The following DENND2B variants were observed in gnomAD, a reference collection of about 807,000 sequenced individuals.
DENND2B encodes DENN domain containing 2B, also known as DENN domain-containing protein 2B.
A neutral mutation model predicts 116.0 loss-of-function variants in DENND2B; 32 were observed. The ratio of observed to expected loss-of-function variants is 0.28; its 90% CI spans 0.21 to 0.37. The LOEUF (loss-of-function observed/expected upper bound fraction) is 0.37. Among genes scored for constraint, DENND2B ranks in the 10% least tolerant of loss-of-function variants. The probability of loss-of-function intolerance (pLI) is 1.00; values close to 1 mark genes in which losing one functional copy is unlikely to be tolerated. For synonymous variants in DENND2B, 588 were observed against 583.9 expected, an observed-to-expected ratio of 1.01 and a Z score of -0.10; for missense variants, 1,276 against 1,477.7, an observed-to-expected ratio of 0.86 and a Z score of 2.24.
chr11:8,810,188 T>A (rs2061268075), intron 1 of DENND2B: 1 of 151,726 alleles, frequency 6.6e-6, no homozygotes, highest in African/African-American at 2.4e-5. Context: ...ACGGGAGTGA[T>A]GTTAACTCAG....
chr11:8,802,088 A>C (rs1028871918), intron 1 of DENND2B, among the ~76,000 whole-genome samples: 6 of 151,650 alleles, frequency 4.0e-5, no homozygotes, highest in Non-Finnish European at 8.8e-5. Context: ...ATCACCTGAG[A>C]TCAGGAGTTC....
chr11:8,877,412 T>TG (rs2063856338), intron 2 of DENND2B: 1 of 152,066 alleles, frequency 6.6e-6, no homozygotes, highest in South Asian at 2.1e-4. Flanking sequence ...GCCTTTTTTT[T>TG]TTTTTAAACA....
intron 2 of DENND2B, among the ~76,000 whole-genome samples, chr11:8,744,032 A>T (rs1045427062): frequency 6.6e-6 from 1 of 151,824 alleles, no homozygotes; most frequent in African/African-American, 2.4e-5. Flanking sequence ...TACAGGTATG[A>T]GCTACTGCAC....
At chr11:8,830,886 G>C (rs1165222401) in intron 4 of DENND2B, 5 of 152,278 alleles carry the variant, frequency 3.3e-5, no homozygotes, top group African/African-American at 1.2e-4. Context: ...TGACAGTAGT[G>C]GGAAGATAAA....
At position 8,774,285 on chromosome 11, in the gene DENND2B, C is replaced by T. The variant is rs528757338; in HGVS notation, c.-25-23560G>A. 3 of 985,410 alleles carry T rather than the reference C, an allele frequency of 3.0e-6. No individual in the cohort carries two copies. In the East Asian group the frequency reaches 3.4e-4, roughly 112 times the overall value. The allele number at this position is 985,410 out of a possible 1,614,324, so 61.0% of individuals were successfully genotyped here. ...TCCAGAAACGGCAGGACACTTTAAT[C>T]CCAAAGCACAGTAATCACCTGAAAG... On this transcript the variant is annotated intron_variant, in intron 1 of 19. Transcript: ENST00000313726.
chr11:8,840,640 G>T (rs957461494), intron 3 of DENND2B, among the ~76,000 whole-genome samples: 6 of 152,164 alleles, frequency 3.9e-5, no homozygotes, highest in Admixed American at 3.3e-4. Flanking sequence ...CGGCCAAGAT[G>T]AAAGTTTTTA....
chr11:8,858,399 C>T (rs1474013941), intron 2 of DENND2B, among the ~76,000 whole-genome samples: 20 of 151,934 alleles, frequency 1.3e-4, no homozygotes, highest in Non-Finnish European at 2.9e-5. Context: ...AAGAGTGACT[C>T]GGAGCAGTTT....
intron 7 of DENND2B, 105 bp downstream of exon 7, chr11:8,714,505 C>T (rs1281318879): frequency 2.1e-6 from 2 of 957,246 alleles, no homozygotes; most frequent in African/African-American, 3.3e-5. Flanking sequence ...CCTACGTGGC[C>T]ATTTCCTGGC....
chr11:8,711,249 C>T lies in DENND2B; in HGVS notation c.2173-18G>A. ...CGGTCCAGCTGCAGGGAAGAAGGAA[C>T]CAGGAGATGACATGGAACCTGAGGG... On this transcript the variant is annotated intron_variant, in intron 9 of 19. Transcript: ENST00000313726. 1.2e-6 allele frequency: 2 copies of T among 1,611,676 alleles called. No homozygotes were observed. The highest frequency in any genetic ancestry group is 1.7e-6 in the Non-Finnish European group (2 of 1,178,758).
intron 1 of DENND2B, among the ~76,000 whole-genome samples, chr11:8,883,358 T>C (rs1251071924): frequency 6.6e-6 from 1 of 152,234 alleles, no homozygotes; most frequent in African/African-American, 2.4e-5. Flanking sequence ...TCTGAACTCT[T>C]AACTAGAGCA....
intron 3 of DENND2B, among the ~76,000 whole-genome samples, chr11:8,841,934 T>C (rs1412585395): frequency 6.6e-6 from 1 of 152,200 alleles, no homozygotes; most frequent in African/African-American, 2.4e-5. Context: ...CTGGATACCA[T>C]GAGTTCCCCA....
intron 2 of DENND2B, among the ~76,000 whole-genome samples, chr11:8,861,858 A>G (rs2134679536): frequency 6.6e-6 from 1 of 152,314 alleles, no homozygotes; most frequent in African/African-American, 2.4e-5. Flanking sequence ...TAAAAAAAGA[A>G]TGAAATAATG....
intron 3 of DENND2B, among the ~76,000 whole-genome samples, chr11:8,853,134 C>T (rs867864497): frequency 7.2e-5 from 11 of 152,184 alleles, no homozygotes; most frequent in African/African-American, 1.2e-4. Context: ...GAGGATGAGG[C>T]GGGTGGATCA....
In DENND2B at chr11:8,741,096, G is replaced by A. The variant is rs192990867; in HGVS notation, c.80+9525C>T. Among the ~76,000 whole-genome samples the A allele has an allele frequency of 4.1e-3, 622 of 152,322 alleles. 5 individuals are homozygous for A. The highest frequency in any genetic ancestry group is 5.0e-3 in the Non-Finnish European group (338 of 68,032). On this transcript the variant is annotated intron_variant, in intron 2 of 19. Coordinates refer to ENST00000313726, the MANE Select transcript of DENND2B (RefSeq NM_213618.2). Reference sequence around the variant, plus strand: ...TCAAACAGTTGTGAGCCCTCAACAGGGTCCAGGGCAGCCTCAGCCCCCAAC... The same window carrying A: ...TCAAACAGTTGTGAGCCCTCAACAGAGTCCAGGGCAGCCTCAGCCCCCAAC...
chr11:8,847,025 A>G (rs1313883502), intron 3 of DENND2B, among the ~76,000 whole-genome samples: 2 of 152,246 alleles, frequency 1.3e-5, no homozygotes, highest in African/African-American at 2.4e-5. Context: ...TCACAAAATT[A>G]AAGGTTCATT....
chr11:8,708,698 TTCCA>T (rs2043051360), intron 11 of DENND2B, among the ~76,000 whole-genome samples: 1 of 152,194 alleles, frequency 6.6e-6, no homozygotes, highest in South Asian at 2.1e-4. Flanking sequence ...ACGCCTGTAA[TTCCA>T]GCACTTTGGG....
upstream of DENND2B, among the ~76,000 whole-genome samples, chr11:8,813,724 A>C (rs2061473599): frequency 6.6e-6 from 1 of 152,170 alleles, no homozygotes; most frequent in South Asian, 2.1e-4. Context: ...CAAACTTAAG[A>C]AGCCCTCCAA....
chr11:8,795,285 C>T (rs759049229), intron 1 of DENND2B, among the ~76,000 whole-genome samples: 2 of 152,156 alleles, frequency 1.3e-5, no homozygotes, highest in African/African-American at 2.4e-5. Context: ...GCTTTGTAGA[C>T]ATGAAATTCT....
At chr11:8,729,845 C>G in intron 3 of DENND2B, 105 bp downstream of exon 3, 1 of 1,424,866 alleles carries the variant, frequency 7.0e-7, no homozygotes, top group Non-Finnish European at 9.5e-7. Context: ...TCAGAGCTTA[C>G]GAAGCACTAA....
Sources: allele counts gnomAD v4.1 joint callset (sites outside exome capture counted in the v4.1 genomes callset), GRCh38; gene constraint gnomAD v4.1.1; transcripts MANE v1.5; gene names NCBI Gene and HGNC (gene_info 2026-07-23, HGNC 2026-07-21).